The following SH3GL1 variants were observed in gnomAD, a reference collection of about 807,000 sequenced individuals.
SH3GL1 encodes the protein SH3 domain containing GRB2 like 1, endophilin A2, also known as endophilin-A2.
A neutral mutation model predicts 48.8 loss-of-function variants in SH3GL1; 21 were observed. That is an observed-to-expected ratio of 0.43 (90% CI 0.30 to 0.62). SH3GL1 has a LOEUF of 0.62. SH3GL1 is among the 20% of genes least tolerant of loss of function. The pLI, the probability that SH3GL1 is intolerant of heterozygous loss-of-function variation, is 0.11. For missense variants in SH3GL1, 454 were observed against 503.0 expected, an observed-to-expected ratio of 0.90 and a Z score of 0.93; for synonymous variants, 282 against 217.5, an observed-to-expected ratio of 1.30 and a Z score of -2.61.
At chr19:4,399,490 AAGG>A (rs1973483758) in intron 1 of SH3GL1, among the ~76,000 whole-genome samples, 1 of 151,962 alleles carries the variant, frequency 6.6e-6, no homozygotes, top group African/African-American at 2.4e-5. Context: ...GAAGGGAGGG[AAGG>A]AGGACTGATT....
intron 1 of SH3GL1, among the ~76,000 whole-genome samples, chr19:4,372,352 C>T (rs561500057): frequency 6.6e-6 from 1 of 152,230 alleles, no homozygotes; most frequent in South Asian, 2.1e-4. Flanking sequence ...GAGGCGAGTG[C>T]TCAGCCCCTC....
In SH3GL1 at chr19:4,400,387, G is replaced by T; in HGVS notation, c.-19C>A. On this transcript the variant is annotated 5_prime_UTR_variant, in exon 1 of 10. Transcript: ENST00000269886. The surrounding 1 kb of genome is among the most constrained non-coding windows in gnomAD (Gnocchi z 4.1). ...CCGACATGCTGCCGCCCGCCGCCGA[G>T]CCTCCCGCCCGGACCGCGCCAGCGA... is the stretch of plus-strand genomic sequence containing the variant. 6.3e-7 allele frequency: 1 copy of T among 1,583,240 alleles called. No homozygotes were observed. Among genetic ancestry groups the T allele is most frequent in the Non-Finnish European group, 8.5e-7 (1 of 1,169,714 alleles).
chr19:4,362,798 G>C (rs1238034631), intron 7 of SH3GL1, 62 bp from the exon 8 acceptor site: 2 of 1,608,926 alleles, frequency 1.2e-6, no homozygotes, highest in Non-Finnish European at 1.7e-6. Context: ...CCCCACTCTT[G>C]TATTTATGCT....
At chr19:4,370,376 G>A (rs538535934) in intron 1 of SH3GL1, among the ~76,000 whole-genome samples, 1 of 152,228 alleles carries the variant, frequency 6.6e-6, no homozygotes, top group Non-Finnish European at 1.5e-5. Flanking sequence ...CACAAGGCTC[G>A]CCTCCTGTTC....
intron 6 of SH3GL1, 113 bp from the exon 7 acceptor site, chr19:4,363,586 G>A (rs1451607993): frequency 6.9e-7 from 1 of 1,454,790 alleles, no homozygotes; most frequent in Non-Finnish European, 9.6e-7. Flanking sequence ...ACAGGGGACT[G>A]GGGCCCATAC....
intron 1 of SH3GL1, among the ~76,000 whole-genome samples, chr19:4,381,841 C>T (rs1275786484): frequency 1.3e-5 from 2 of 151,134 alleles, no homozygotes; most frequent in African/African-American, 4.9e-5. Flanking sequence ...TACAGGCACC[C>T]GCCGCCACGC....
intron 1 of SH3GL1, among the ~76,000 whole-genome samples, chr19:4,393,693 G>C (rs1439770009): frequency 6.6e-6 from 1 of 152,012 alleles, no homozygotes; most frequent in African/African-American, 2.4e-5. Flanking sequence ...AGGAGGCTGA[G>C]GCAGAAGAAT....
At chr19:4,380,543 T>C (rs1973100131) in intron 1 of SH3GL1, among the ~76,000 whole-genome samples, 1 of 152,098 alleles carries the variant, frequency 6.6e-6, no homozygotes, top group Non-Finnish European at 1.5e-5. Context: ...GGTTTGGAAG[T>C]GCCCGTTTGG....
intron 1 of SH3GL1, among the ~76,000 whole-genome samples, chr19:4,372,560 C>T (rs530868055): frequency 4.1e-4 from 63 of 152,256 alleles, no homozygotes; most frequent in African/African-American, 1.5e-3. Flanking sequence ...AAAGCCCTGA[C>T]GTGGGAAGAG....
intron 1 of SH3GL1, among the ~76,000 whole-genome samples, chr19:4,377,075 C>T (rs1391685159): frequency 6.6e-6 from 1 of 152,236 alleles, no homozygotes; most frequent in Non-Finnish European, 1.5e-5. Flanking sequence ...CAGGCCCATT[C>T]CCAGCCTGGA....
chr19:4,374,073 G>A (rs1439834612), intron 1 of SH3GL1, among the ~76,000 whole-genome samples: 1 of 152,248 alleles, frequency 6.6e-6, no homozygotes, highest in Admixed American at 6.5e-5. Flanking sequence ...GCGGCAGCGA[G>A]CCGATGTCAT....
At chr19:4,396,730 G>A (rs755752694) in intron 1 of SH3GL1, among the ~76,000 whole-genome samples, 56 of 151,972 alleles carry the variant, frequency 3.7e-4, no homozygotes, top group Non-Finnish European at 6.5e-4. Context: ...GTAATTCTTG[G>A]GGGCAGTGGG....
intron 1 of SH3GL1, among the ~76,000 whole-genome samples, chr19:4,399,535 T>A (rs1437968161): frequency 6.6e-6 from 1 of 151,968 alleles, no homozygotes; most frequent in African/African-American, 2.4e-5. Context: ...TCTCAAGATA[T>A]TTTTGGTTGT....
chr19:4,362,215 G>C (rs1323367024), intron 9 of SH3GL1, 114 bp downstream of exon 9: 14 of 1,101,044 alleles, frequency 1.3e-5, no homozygotes, highest in Non-Finnish European at 1.9e-5. Context: ...ACTGCTGCAC[G>C]AGCCTGGCCC....
At chr19:4,392,518 TCACACA>T (rs60108906) in intron 1 of SH3GL1, among the ~76,000 whole-genome samples, 4,654 of 137,724 alleles carry the variant, frequency 0.034, 92 homozygotes, top group Middle Eastern at 0.077. Flanking sequence ...CAAGACTCCG[TCACACA>T]CACACACACA....
chr19:4,388,489 G>A (rs1281931952), intron 1 of SH3GL1, among the ~76,000 whole-genome samples: 2 of 152,230 alleles, frequency 1.3e-5, no homozygotes, highest in Non-Finnish European at 2.9e-5. Flanking sequence ...GAAGTGGGAG[G>A]AGCCGCAGGG....
chr19:4,376,064 G>A lies in SH3GL1; in HGVS notation c.46-9070C>T, dbSNP rs1973002721. Among the ~76,000 whole-genome samples the A allele has an allele frequency of 6.6e-6, 1 of 152,228 alleles. No homozygotes were observed. Among genetic ancestry groups the A allele is most frequent in the Non-Finnish European group, 1.5e-5 (1 of 68,044 alleles). Reference sequence around the variant, plus strand: ...CTTGGAGAGAGAACTGCGGGGCATGGTGACAGCGGTGAGAGGCTGCAGGTG... The same window carrying A: ...CTTGGAGAGAGAACTGCGGGGCATGATGACAGCGGTGAGAGGCTGCAGGTG... On this transcript the variant is annotated intron_variant, in intron 1 of 9. Transcript: ENST00000269886. The surrounding 1 kb of genome is among the most constrained non-coding windows in gnomAD (Gnocchi z 4.3).
chr19:4,399,857 A>G (rs1000055207), intron 1 of SH3GL1, among the ~76,000 whole-genome samples: 8 of 152,202 alleles, frequency 5.3e-5, no homozygotes, highest in African/African-American at 1.9e-4. Context: ...CTGCCCGAGG[A>G]GCAGAGAGGG....
chr19:4,361,253 G>A lies in SH3GL1; in HGVS notation c.*347C>T. 1 of 366,306 alleles carries A rather than the reference G, an allele frequency of 2.7e-6. No individual in the cohort carries two copies. Among genetic ancestry groups the A allele is most frequent in the South Asian group, 3.8e-5 (1 of 26,056 alleles). 22.7% of individuals were successfully genotyped at this position (366,306 alleles called of 1,614,324 possible). ...TCGGGTCAGGACGGAGGTGGGGGCT[G>A]CCCCAGAGGAACATTAGTGTTTCTA... On this transcript the variant is annotated 3_prime_UTR_variant, in exon 10 of 10. Coordinates refer to ENST00000269886, the MANE Select transcript of SH3GL1 (RefSeq NM_003025.4).
Sources: allele counts gnomAD v4.1 joint callset (sites outside exome capture counted in the v4.1 genomes callset), GRCh38; gene constraint gnomAD v4.1.1; non-coding constraint Gnocchi (gnomAD v3.1); transcripts MANE v1.5; gene names NCBI Gene and HGNC (gene_info 2026-07-23, HGNC 2026-07-21).